PPA2: variants seen among roughly 807,000 people sequenced by gnomAD.
The protein encoded by PPA2 is inorganic pyrophosphatase 2, mitochondrial.
Under a neutral mutation model 49.5 loss-of-function variants are expected in PPA2, and 48 were observed. The observed-to-expected ratio is 0.97, with a 90% CI of 0.77 to 1.23. PPA2 has a LOEUF of 1.23. PPA2 is among the 50% of genes most tolerant of loss of function. The pLI, the probability that PPA2 is intolerant of heterozygous loss-of-function variation, is 0.00. For missense variants in PPA2, 429 were observed against 410.1 expected (o/e 1.05, Z -0.40); for synonymous variants, 131 against 139.9 (o/e 0.94, Z 0.45).
chr4:105,446,435 G>T lies in PPA2; in HGVS notation c.389C>A (p.Ala130Glu). 6.2e-7 allele frequency: 1 copy of T among 1,605,242 alleles called. No individual in the cohort carries two copies. Among genetic ancestry groups the T allele is most frequent in the Non-Finnish European group, 8.5e-7 (1 of 1,176,592 alleles). ...ATAACCCTTGTAAGGGAAGATATTC[G>T]CCACATAGCGTAGCTTTCCATCCTT... ...YVKDGKLRYV[A>E]NIFPYKGYIW... is the part of the protein sequence containing the mutation. Residue 130 changes from alanine (A) to glutamate (E), a missense_variant, in exon 5 of 12, where the codon GCG becomes GAG. Ala to Glu is a moderately radical substitution (Grantham distance 107). Transcript: ENST00000341695.
In PPA2 at chr4:105,369,608, A is replaced by C; in HGVS notation, c.*117T>G. The C allele has an allele frequency of 2.2e-6, 2 of 906,062 alleles. No homozygotes were observed. Among genetic ancestry groups the C allele is most frequent in the Non-Finnish European group, 3.5e-6 (2 of 563,858 alleles). The allele number at this position is 906,062 out of a possible 1,614,324, so 56.1% of individuals were successfully genotyped here. On this transcript the variant is annotated 3_prime_UTR_variant, in exon 12 of 12. Coordinates refer to ENST00000341695, the MANE Select transcript of PPA2 (RefSeq NM_176869.3). ...TATTTATATATTGCATAGCTCAAAA[A>C]GTTTGAAAAAATGAAGTTTTAACAG...
chr4:105,410,850 A>G (rs2110249955), intron 7 of PPA2, among the ~76,000 whole-genome samples: 1 of 152,372 alleles, frequency 6.6e-6, no homozygotes, highest in Non-Finnish European at 1.5e-5. Flanking sequence ...AATCCTTTAC[A>G]GACAAGCAAA....
At chr4:105,372,049 C>A (rs1433609494) in intron 10 of PPA2, among the ~76,000 whole-genome samples, 1 of 152,158 alleles carries the variant, frequency 6.6e-6, no homozygotes, top group Non-Finnish European at 1.5e-5. Flanking sequence ...ACGGTGGGTA[C>A]AAAGTCCATA....
chr4:105,465,926 G>A (rs531908659), intron 1 of PPA2, among the ~76,000 whole-genome samples: 1 of 152,082 alleles, frequency 6.6e-6, no homozygotes, highest in Admixed American at 6.5e-5. Flanking sequence ...TGGACTTTCT[G>A]GATTCAATCT....
intron 1 of PPA2, among the ~76,000 whole-genome samples, chr4:105,469,275 C>G (rs142341307): frequency 6.6e-6 from 1 of 152,314 alleles, no homozygotes; most frequent in East Asian, 1.9e-4. Flanking sequence ...TCAATCTACA[C>G]GATATTGCCA....
At chr4:105,369,812 G>A (rs1732951879) in intron 11 of PPA2, 59 bp from the exon 12 acceptor site, 1 of 1,443,236 alleles carries the variant, frequency 6.9e-7, no homozygotes, top group African/African-American at 1.4e-5. Flanking sequence ...GGAGAAGGGA[G>A]TGATTAATCA....
intron 4 of PPA2, among the ~76,000 whole-genome samples, chr4:105,448,535 C>T (rs1264662787): frequency 7.3e-6 from 1 of 137,596 alleles, no homozygotes; most frequent in Non-Finnish European, 1.6e-5. Flanking sequence ...TTCTGAATAG[C>T]AAAAAGGAAG....
chr4:105,370,763 T>C lies in PPA2; in HGVS notation c.976+74A>G, dbSNP rs1235257784. 5 of 1,289,292 alleles carry C rather than the reference T, an allele frequency of 3.9e-6. No homozygotes were observed. The East Asian group carries it at 9.9e-5, about 25-fold the overall frequency. The allele number at this position is 1,289,292 out of a possible 1,614,324, so 79.9% of individuals were successfully genotyped here. ...AATTTATCTATTTTATTTTTAGTTTTAGTTTTTGGCTTCCACTACTGTAAA... is the reference window on the plus strand; with the variant it reads ...AATTTATCTATTTTATTTTTAGTTTCAGTTTTTGGCTTCCACTACTGTAAA... On this transcript the variant is annotated intron_variant, in intron 11 of 11. Transcript: ENST00000341695.
chr4:105,390,387 G>A (rs956762568), intron 9 of PPA2, among the ~76,000 whole-genome samples: 2 of 151,850 alleles, frequency 1.3e-5, no homozygotes, highest in Non-Finnish European at 2.9e-5. Flanking sequence ...CTACAAAATG[G>A]GAGAAAATTT....
chr4:105,473,748 T>A, intron 1 of PPA2, 146 bp downstream of exon 1: 1 of 1,206,230 alleles, frequency 8.3e-7, no homozygotes, highest in South Asian at 1.3e-5. Context: ...CCGCGGGAAG[T>A]AAGGTGGCCT....
rs1560650457 is a variant in PPA2 at position 105,474,024 on chromosome 4, G to GCGCAGCAGC, written c.18_26dup (p.Leu7_Arg9dup). The GCGCAGCAGC allele has an allele frequency of 1.3e-5, 21 of 1,597,446 alleles. No individual in the cohort carries two copies. The highest frequency in any genetic ancestry group is 6.8e-5 in the East Asian group (3 of 44,144). On this transcript the variant is annotated inframe_insertion, in exon 1 of 12. Coordinates refer to ENST00000341695, the MANE Select transcript of PPA2 (RefSeq NM_176869.3). ...GGCACGCAGCGGCTGGGGCACCCGT[G>GCGCAGCAGC]CGCAGCAGCCGCAGCAGCGCGCTCA...
At chr4:105,436,609 A>G (rs779944659) in intron 6 of PPA2, among the ~76,000 whole-genome samples, 1 of 152,166 alleles carries the variant, frequency 6.6e-6, no homozygotes, top group Non-Finnish European at 1.5e-5. Context: ...TAAACATGGT[A>G]CTGGTACAAA....
chr4:105,432,760 T>C (rs1477477691), intron 6 of PPA2, among the ~76,000 whole-genome samples: 2 of 152,180 alleles, frequency 1.3e-5, no homozygotes, highest in East Asian at 3.9e-4. Context: ...AGTGTTAGTG[T>C]ATTTTATGTG....
intron 1 of PPA2, among the ~76,000 whole-genome samples, chr4:105,472,786 A>C (rs1213239083): frequency 6.6e-6 from 1 of 152,240 alleles, no homozygotes; most frequent in Non-Finnish European, 1.5e-5. Context: ...ATGTAGCATA[A>C]CTGCAAATCT....
rs760297886 is a variant in PPA2 at position 105,386,650 on chromosome 4, G to C, written c.870-14C>G. On this transcript the variant is annotated splice_polypyrimidine_tract_variant and intron_variant, in intron 9 of 11. Coordinates refer to ENST00000341695, the MANE Select transcript of PPA2 (RefSeq NM_176869.3). ...TGCACGTTTGTGCTGGAGAGGAAAA[G>C]AGAATGTTATTATTAAACAGGATAA... 6.8e-6 allele frequency: 11 copies of C among 1,607,558 alleles called. No individual in the cohort carries two copies. The highest frequency in any genetic ancestry group is 9.4e-6 in the Non-Finnish European group (11 of 1,175,254).
chr4:105,416,281 C>A (rs1384447974), intron 7 of PPA2, among the ~76,000 whole-genome samples: 1 of 152,152 alleles, frequency 6.6e-6, no homozygotes, highest in Non-Finnish European at 1.5e-5. Flanking sequence ...AGAAAGCATA[C>A]AATCGGCTGA....
Position 105,443,656 on chromosome 4 carries a change from C to T in PPA2, c.441+2727G>A, listed in dbSNP as rs559733730. On this transcript the variant is annotated intron_variant, in intron 5 of 11. Coordinates refer to ENST00000341695, the MANE Select transcript of PPA2 (RefSeq NM_176869.3). Reference sequence around the variant, plus strand: ...ACACACAGACTCTCTCTCTCTTTTTCTCTCTCTCTCTCCAAGATCAGTCAG... The same window carrying T: ...ACACACAGACTCTCTCTCTCTTTTTTTCTCTCTCTCTCCAAGATCAGTCAG... Among the ~76,000 whole-genome samples, 7 of 151,072 alleles carry T rather than the reference C, an allele frequency of 4.6e-5. No homozygotes were observed. In the East Asian group the frequency reaches 1.2e-3, roughly 25 times the overall value.
chr4:105,456,788 A>T, intron 1 of PPA2, 43 bp from the exon 2 acceptor site: 1 of 1,480,398 alleles, frequency 6.8e-7, no homozygotes, highest in Non-Finnish European at 9.3e-7. Flanking sequence ...AATTAAAGCA[A>T]TAGACACATT....
intron 10 of PPA2, 63 bp downstream of exon 10, chr4:105,386,504 T>A: frequency 6.8e-7 from 1 of 1,477,480 alleles, no homozygotes; most frequent in South Asian, 1.2e-5. Context: ...GATTTCAGAA[T>A]TTCTACTAGA....
Sources: allele counts gnomAD v4.1 joint callset (sites outside exome capture counted in the v4.1 genomes callset), GRCh38; gene constraint gnomAD v4.1.1; transcripts MANE v1.5; gene names NCBI Gene and HGNC (gene_info 2026-07-23, HGNC 2026-07-21).